SLC4A7: variants seen among roughly 807,000 people sequenced by gnomAD.
The protein encoded by SLC4A7 is solute carrier family 4 member 7.
In SLC4A7, 51 loss-of-function variants were observed where a neutral mutation model predicts 137.6. The ratio of observed to expected loss-of-function variants is 0.37; its 90% CI spans 0.30 to 0.47. The LOEUF is 0.47. SLC4A7 is among the 20% of genes least tolerant of loss of function. The pLI is 1.00. For missense variants in SLC4A7, 1,247 were observed against 1,525.4 expected (o/e 0.82, Z 3.04); for synonymous variants, 542 against 518.6 (o/e 1.05, Z -0.61).
At chr3:27,455,061 C>G (rs73822312) in intron 1 of SLC4A7, among the ~76,000 whole-genome samples, 4,645 of 150,908 alleles carry the variant, frequency 0.031, 248 homozygotes, top group African/African-American at 0.11. Context: ...GCTGCTCCCA[C>G]TATATACTGT....
chr3:27,448,725 C>A lies in SLC4A7; in HGVS notation c.215G>T (p.Gly72Val). 6.2e-7 allele frequency: 1 copy of A among 1,613,174 alleles called. No individual in the cohort carries two copies. The highest frequency in any genetic ancestry group is 8.5e-7 in the Non-Finnish European group (1 of 1,179,356). The change falls in exon 3 of 26, where the codon GGA (glycine) becomes GTA (valine). Residue 72 changes from glycine (G) to valine (V), a missense_variant. By Grantham distance (109) the Gly-to-Val change is moderately radical. Coordinates refer to ENST00000454389, the MANE Select transcript of SLC4A7 (RefSeq NM_001321103.2). ...TCTTCTCCGGTGGTGATGTTTGTGTCCGCGATGCCTATGACGCCGACGACT... is the reference window on the plus strand; with the variant it reads ...TCTTCTCCGGTGGTGATGTTTGTGTACGCGATGCCTATGACGCCGACGACT... ...KESRRRHRHR[G>V]HKHHHRRRKD...
chr3:27,431,411 GA>G lies in SLC4A7; in HGVS notation c.1036del (p.Ser346HisfsTer10). 6.2e-7 allele frequency: 1 copy of G among 1,614,098 alleles called. No homozygotes were observed. Among genetic ancestry groups the G allele is most frequent in the Non-Finnish European group, 8.5e-7 (1 of 1,179,964 alleles). On this transcript the variant is annotated frameshift_variant, in exon 7 of 26. Transcript: ENST00000454389. LOFTEE classifies it high-confidence loss of function. ...SQRQAPELLV[S>X]PASDDIPTVV... The stretch of plus-strand genomic sequence containing the variant: ...TGTGGGAATATCATCACTGGCAGGT[GA>G]AACCAGTAGTTCTGGGGCCTGACGC...
intron 3 of SLC4A7, among the ~76,000 whole-genome samples, chr3:27,440,501 G>C (rs896152037): frequency 6.6e-6 from 1 of 152,102 alleles, no homozygotes; most frequent in South Asian, 2.1e-4. Flanking sequence ...GCCGAGGCAG[G>C]TGGATCACCT....
intron 1 of SLC4A7, among the ~76,000 whole-genome samples, chr3:27,470,290 G>A (rs2059183277): frequency 6.6e-6 from 1 of 151,186 alleles, no homozygotes; most frequent in African/African-American, 2.4e-5. Flanking sequence ...AAATTGAACA[G>A]AAGATAATCT....
chr3:27,443,022 TTCTTTTTTTC>T (rs2057323979), intron 3 of SLC4A7, among the ~76,000 whole-genome samples: 1 of 135,096 alleles, frequency 7.4e-6, no homozygotes, highest in Non-Finnish European at 1.5e-5. Context: ...ATTCTCTTTT[TTCTTTTTTTC>T]TTTTTTTTTT....
intron 1 of SLC4A7, among the ~76,000 whole-genome samples, chr3:27,460,450 C>T (rs1375187464): frequency 5.9e-5 from 9 of 152,176 alleles, no homozygotes. Context: ...TATTAAAAAG[C>T]ATCTGAAGTA....
Position 27,484,331 on chromosome 3 carries a change from G to T in SLC4A7, c.-205C>A, listed in dbSNP as rs1306617632. ...CGTGCGTGTGCGCGCTGCGACTGCT[G>T]GGCTGGCTTTAGTAGGAGAGCGAGG... On this transcript the variant is annotated 5_prime_UTR_variant, in exon 1 of 26. Transcript: ENST00000454389. The T allele has an allele frequency of 5.6e-6, 2 of 357,488 alleles. No homozygotes were observed. Among genetic ancestry groups the T allele is most frequent in the Non-Finnish European group, 9.9e-6 (2 of 202,688 alleles). 22.1% of individuals were successfully genotyped at this position (357,488 alleles called of 1,614,324 possible).
chr3:27,470,869 T>C (rs2059215518), intron 1 of SLC4A7, among the ~76,000 whole-genome samples: 1 of 151,982 alleles, frequency 6.6e-6, no homozygotes, highest in Non-Finnish European at 1.5e-5. Flanking sequence ...TTGAATCCAG[T>C]AGGCGGAGGT....
chr3:27,389,946 C>T lies in SLC4A7; in HGVS notation c.3345G>A (p.Val1115=), dbSNP rs1203042731. The T allele has an allele frequency of 6.2e-7, 1 of 1,612,564 alleles. No homozygotes were observed. Among genetic ancestry groups the T allele is most frequent in the Non-Finnish European group, 8.5e-7 (1 of 1,179,284 alleles). ...LWVIKVSAAA[V]VFPMMVLALV... is the part of the protein sequence containing the mutation. ...GAAATCTTACCATCATGGGAAAAAC[C>T]ACTGCAGCAGCTGAAACTTTTATCA... The change falls in exon 22 of 26, where the codon GTG becomes GTA. Residue 1115 remains valine, a synonymous_variant. Coordinates refer to ENST00000454389, the MANE Select transcript of SLC4A7 (RefSeq NM_001321103.2).
chr3:27,456,662 T>G (rs2058429837), intron 1 of SLC4A7: 2 of 1,606,298 alleles, frequency 1.2e-6, no homozygotes, highest in Non-Finnish European at 1.7e-6. Flanking sequence ...GGTAACTTCT[T>G]CTCCAGACGA....
Position 27,449,459 on chromosome 3 carries a change from A to G in SLC4A7, c.143-662T>C, listed in dbSNP as rs928795681. On this transcript the variant is annotated intron_variant, in intron 2 of 25. Coordinates refer to ENST00000454389, the MANE Select transcript of SLC4A7 (RefSeq NM_001321103.2). The stretch of plus-strand genomic sequence containing the variant: ...TTTGAGTTTTGAAAAAAAAATCAAT[A>G]AAGACCAAAATAAAAATAAAGTCCA... Among the ~76,000 whole-genome samples the G allele has an allele frequency of 2.5e-4, 38 of 151,460 alleles. 1 individual carries two copies. The highest frequency in any genetic ancestry group is 1.9e-3 in the Admixed American group (29 of 15,192).
chr3:27,406,992 C>T (rs1354112568), intron 13 of SLC4A7, among the ~76,000 whole-genome samples: 2 of 151,812 alleles, frequency 1.3e-5, no homozygotes. Flanking sequence ...AAAAGCAAAA[C>T]ATTGAGACAT....
At position 27,419,154 on chromosome 3, in the gene SLC4A7, G is replaced by A. The variant is rs537757209; in HGVS notation, c.1513-522C>T. On this transcript the variant is annotated intron_variant, in intron 10 of 25. Coordinates refer to ENST00000454389, the MANE Select transcript of SLC4A7 (RefSeq NM_001321103.2). The stretch of plus-strand genomic sequence containing the variant: ...CTTTTTTTCTAGGAGGAAAAACAGT[G>A]AAACGCGTTATTAAATAAATAAATA... 4.6e-5 allele frequency among the ~76,000 whole-genome samples: 7 copies of A among 152,172 alleles called. No homozygotes were observed. In the East Asian group the frequency reaches 1.4e-3, roughly 29 times the overall value.
intron 1 of SLC4A7, among the ~76,000 whole-genome samples, chr3:27,473,674 C>A (rs1246037815): frequency 7.1e-6 from 1 of 141,330 alleles, no homozygotes. Context: ...TATCAGCACT[C>A]CAGCCTGGGT....
intron 22 of SLC4A7, among the ~76,000 whole-genome samples, chr3:27,386,271 C>A (rs538649466): frequency 8.6e-5 from 13 of 150,796 alleles, no homozygotes; most frequent in African/African-American, 2.7e-4. Flanking sequence ...CTGAATAAAT[C>A]CCTTGCACTA....
chr3:27,465,237 C>T (rs1210469932), intron 1 of SLC4A7, among the ~76,000 whole-genome samples: 1 of 146,668 alleles, frequency 6.8e-6, no homozygotes, highest in African/African-American at 2.5e-5. Flanking sequence ...TGCAGTAAAC[C>T]GAGATGGCAC....
At chr3:27,469,834 A>G (rs2150694305) in intron 1 of SLC4A7, among the ~76,000 whole-genome samples, 1 of 152,382 alleles carries the variant, frequency 6.6e-6, no homozygotes, top group South Asian at 2.1e-4. Context: ...TGATAGTCTT[A>G]GAAAAGCTGA....
chr3:27,466,729 C>T (rs561277862), intron 1 of SLC4A7, among the ~76,000 whole-genome samples: 26 of 152,040 alleles, frequency 1.7e-4, no homozygotes, highest in Middle Eastern at 3.4e-3. Flanking sequence ...TGCTGGTGCG[C>T]GCCTGTAGTC....
intron 3 of SLC4A7, among the ~76,000 whole-genome samples, chr3:27,446,684 G>A (rs1364439336): frequency 6.6e-6 from 1 of 151,976 alleles, no homozygotes; most frequent in Non-Finnish European, 1.5e-5. Flanking sequence ...GAATGGCTGT[G>A]ATGTATAGAA....
Sources: gnomAD v4.1 joint callset for allele counts (sites outside exome capture counted in the v4.1 genomes callset) on GRCh38, gnomAD v4.1.1 for gene constraint, MANE v1.5 for transcripts, NCBI Gene and HGNC (gene_info 2026-07-23, HGNC 2026-07-21) for gene names.